The following NRG1 variants were observed in gnomAD, a reference collection of about 807,000 sequenced individuals.
The protein encoded by NRG1 is pro-neuregulin-1, membrane-bound isoform.
NRG1 carries 18 observed loss-of-function variants against 63.8 expected under a neutral mutation model. The observed-to-expected ratio is 0.28, with a 90% CI of 0.19 to 0.42. The LOEUF is 0.42. NRG1 is among the 10% of genes least tolerant of loss of function. NRG1 has a pLI of 1.00. For missense variants in NRG1, 762 were observed against 814.7 expected, an observed-to-expected ratio of 0.94 and a Z score of 0.79; for synonymous variants, 302 against 301.3, an observed-to-expected ratio of 1.00 and a Z score of -0.02.
At chr8:31,740,337 A>G (rs139575544) in intron 1 of NRG1, among the ~76,000 whole-genome samples, 149 of 152,128 alleles carry the variant, frequency 9.8e-4, no homozygotes, top group Middle Eastern at 3.4e-3. Flanking sequence ...TTTCAATTTC[A>G]TCTATAGCAG....
intron 1 of NRG1, among the ~76,000 whole-genome samples, chr8:31,661,772 A>C (rs143477935): frequency 2.3e-3 from 353 of 152,350 alleles, no homozygotes; most frequent in African/African-American, 8.3e-3. Context: ...TCACAGAAAA[A>C]GTCTTTGACA....
chr8:32,504,635 T>G (rs2129497783), intron 1 of NRG1, among the ~76,000 whole-genome samples: 1 of 152,234 alleles, frequency 6.6e-6, no homozygotes, highest in Admixed American at 6.5e-5. Flanking sequence ...CAGATAGAGA[T>G]TATTTTAAGA....
At chr8:31,684,467 C>T (rs916093091) in intron 1 of NRG1, among the ~76,000 whole-genome samples, 4 of 152,140 alleles carry the variant, frequency 2.6e-5, no homozygotes, top group Non-Finnish European at 5.9e-5. Context: ...TCTTGGACCT[C>T]GCAGCTTCCA....
chr8:32,132,303 A>T (rs1563823208), intron 1 of NRG1, among the ~76,000 whole-genome samples: 1 of 152,130 alleles, frequency 6.6e-6, no homozygotes, highest in Non-Finnish European at 1.5e-5. Flanking sequence ...TCATAAAAAG[A>T]CTGAAATAAG....
rs138317310 is a variant in NRG1, at chr8:32,513,414, G to GA, written c.38-82400dup. Among the ~76,000 whole-genome samples, 426 of 134,650 alleles carry GA rather than the reference G, an allele frequency of 3.2e-3. 2 individuals are homozygous for GA. The highest frequency in any genetic ancestry group is 0.012 in the Middle Eastern group (3 of 260). The allele number at this position is 134,650 out of a possible 152,430, so 88.3% of individuals were successfully genotyped here. ...AATTCTTGCAACATTTAGCTCTTCC[G>GA]AAAAAAAAAAAAAAGTGGTCATGAT... On this transcript the variant is annotated intron_variant, in intron 1 of 10. Coordinates refer to the NRG1 transcript ENST00000519301.
intron 1 of NRG1, among the ~76,000 whole-genome samples, chr8:31,671,691 T>C (rs1447423187): frequency 1.3e-5 from 2 of 152,096 alleles, no homozygotes; most frequent in Admixed American, 6.6e-5. Flanking sequence ...TGGAATGCAG[T>C]GGTGGCATCA....
chr8:32,331,352 T>G (rs1181524781), intron 1 of NRG1, among the ~76,000 whole-genome samples: 2 of 84,104 alleles, frequency 2.4e-5, no homozygotes, highest in South Asian at 9.2e-4. Context: ...AACTCCCAAC[T>G]CTACAAAAAA....
At chr8:31,867,021 T>G (rs2129611110) in intron 1 of NRG1, among the ~76,000 whole-genome samples, 1 of 152,312 alleles carries the variant, frequency 6.6e-6, no homozygotes, top group Non-Finnish European at 1.5e-5. Context: ...TGTCTAGTTT[T>G]AACTTGTTTG....
At chr8:31,727,552 C>A (rs1394217892) in intron 1 of NRG1, among the ~76,000 whole-genome samples, 1 of 152,098 alleles carries the variant, frequency 6.6e-6, no homozygotes, top group African/African-American at 2.4e-5. Flanking sequence ...GTCCTGATAT[C>A]CTCTTTCAAT....
intron 1 of NRG1, among the ~76,000 whole-genome samples, chr8:32,440,354 A>G (rs572130390): frequency 6.6e-6 from 1 of 152,062 alleles, no homozygotes; most frequent in South Asian, 2.1e-4. Flanking sequence ...GAGTGTCACT[A>G]TGTTTTGTTT....
chr8:31,792,024 C>G (rs997788168), intron 1 of NRG1, among the ~76,000 whole-genome samples: 4 of 152,108 alleles, frequency 2.6e-5, no homozygotes, highest in African/African-American at 9.7e-5. Flanking sequence ...CAGCAGCAGC[C>G]AGGTTGGCCT....
At chr8:32,037,829 T>TC (rs1297580897) in intron 1 of NRG1, among the ~76,000 whole-genome samples, 2 of 151,968 alleles carry the variant, frequency 1.3e-5, no homozygotes, top group Non-Finnish European at 2.9e-5. Flanking sequence ...AGCCACCCCT[T>TC]CCCCCACCGA....
intron 1 of NRG1, among the ~76,000 whole-genome samples, chr8:31,909,735 G>A (rs1403579876): frequency 6.6e-6 from 1 of 152,138 alleles, no homozygotes; most frequent in Non-Finnish European, 1.5e-5. Flanking sequence ...GTTGCTTTTA[G>A]AAACCTTGGT....
At chr8:32,489,153 C>G (rs1447679491) in intron 1 of NRG1, among the ~76,000 whole-genome samples, 1 of 152,098 alleles carries the variant, frequency 6.6e-6, no homozygotes, top group Non-Finnish European at 1.5e-5. Flanking sequence ...TTGATTCTTC[C>G]TTTAGGATGG....
intron 1 of NRG1, among the ~76,000 whole-genome samples, chr8:32,257,035 TGTG>T (rs1203806333): frequency 1.3e-5 from 2 of 152,178 alleles, no homozygotes; most frequent in Admixed American, 1.3e-4. Flanking sequence ...TTTGCTGAGC[TGTG>T]GTAGGCTCTG....
At chr8:32,000,800 G>T (rs1205445470) in intron 1 of NRG1, among the ~76,000 whole-genome samples, 1 of 151,860 alleles carries the variant, frequency 6.6e-6, no homozygotes, top group Non-Finnish European at 1.5e-5. Context: ...GTCATTGAAA[G>T]TAATGGCAAA....
At position 32,307,589 on chromosome 8, in the gene NRG1, T is replaced by TTGTG. The variant is rs371611530; in HGVS notation, c.38-288203_38-288200dup. On this transcript the variant is annotated intron_variant, in intron 1 of 10. Coordinates refer to the NRG1 transcript ENST00000519301. Reference sequence around the variant, plus strand: ...AATGGCTCTATGGTCACCCAGGGGTTTGTGTGTGTGTGTGTGTGTGTGTGT... The same window carrying TTGTG: ...AATGGCTCTATGGTCACCCAGGGGTTTGTGTGTGTGTGTGTGTGTGTGTGTGTGT... 9.5e-3 allele frequency among the ~76,000 whole-genome samples: 886 copies of TTGTG among 93,510 alleles called. 8 individuals carry two copies. Among genetic ancestry groups the TTGTG allele is most frequent in the African/African-American group, 0.043 (830 of 19,262 alleles). The allele number at this position is 93,510 out of a possible 152,430, so 61.3% of individuals were successfully genotyped here. A position where few individuals can be genotyped will look rare whatever the true frequency, so the allele number is the denominator to read the frequency against.
At chr8:32,008,664 A>G (rs1814211843) in intron 1 of NRG1, among the ~76,000 whole-genome samples, 1 of 152,010 alleles carries the variant, frequency 6.6e-6, no homozygotes, top group Admixed American at 6.6e-5. Context: ...TTTGAGAACA[A>G]TTTACCAGAT....
chr8:31,804,428 A>C (rs1013230947), intron 1 of NRG1, among the ~76,000 whole-genome samples: 1 of 152,078 alleles, frequency 6.6e-6, no homozygotes, highest in African/African-American at 2.4e-5. Flanking sequence ...TTTTCTGTCC[A>C]TCTCTAAACA....
Sources: gnomAD v4.1 joint callset for allele counts (sites outside exome capture counted in the v4.1 genomes callset) on GRCh38, gnomAD v4.1.1 for gene constraint, MANE v1.5 for transcripts, NCBI Gene and HGNC (gene_info 2026-07-23, HGNC 2026-07-21) for gene names.